CEP350: variants seen among roughly 807,000 people sequenced by gnomAD.
The protein encoded by CEP350 is centrosome-associated protein 350.
In CEP350, 126 loss-of-function variants were observed where a neutral mutation model predicts 331.8. The observed-to-expected ratio is 0.38, with a 90% CI of 0.33 to 0.44. The LOEUF is 0.44. Among genes scored for constraint, CEP350 ranks in the 20% least tolerant of loss-of-function variants. The pLI is 1.00. For missense variants in CEP350, 3,406 were observed against 3,634.6 expected, an observed-to-expected ratio of 0.94 and a Z score of 1.62; for synonymous variants, 1,200 against 1,259.5, an observed-to-expected ratio of 0.95 and a Z score of 1.00.
intron 6 of CEP350, among the ~76,000 whole-genome samples, chr1:180,001,840 C>A (rs1203941373): frequency 6.6e-6 from 1 of 152,178 alleles, no homozygotes; most frequent in African/African-American, 2.4e-5. Context: ...CTTTGAAATT[C>A]ATGATTTATG....
intron 17 of CEP350, among the ~76,000 whole-genome samples, chr1:180,038,572 A>G (rs1396152752): frequency 6.6e-6 from 1 of 152,148 alleles, no homozygotes; most frequent in African/African-American, 2.4e-5. Context: ...TATTTCAGTC[A>G]TTCTATTGAG....
At chr1:179,987,357 A>C in intron 3 of CEP350, 71 bp downstream of exon 3, 1 of 806,236 alleles carries the variant, frequency 1.2e-6, no homozygotes, top group Non-Finnish European at 2.0e-6. Context: ...TGAATAGATT[A>C]AAATGTTTTC....
rs1654115660 is a variant in CEP350, at chr1:180,004,880, TTGCTTG to T, written c.1133-1573_1133-1568del. Among the ~76,000 whole-genome samples, 36 of 72,672 alleles carry T rather than the reference TTGCTTG, an allele frequency of 5.0e-4. 1 individual carries two copies. The highest frequency in any genetic ancestry group is 1.4e-3 in the East Asian group (2 of 1,400). The allele number at this position is 72,672 out of a possible 152,430, so 47.7% of individuals were successfully genotyped here. On this transcript the variant is annotated intron_variant, in intron 7 of 37. Transcript: ENST00000367607. ...TGGGCAGGCAGGCTGGCTGGCTTGC[TTGCTTG>T]CTTGCTTGCTTGCTTGCTTGCTTTC... is the stretch of plus-strand genomic sequence containing the variant.
chr1:180,007,616 C>G (rs1194644917), intron 8 of CEP350, among the ~76,000 whole-genome samples: 1 of 152,128 alleles, frequency 6.6e-6, no homozygotes, highest in Non-Finnish European at 1.5e-5. Context: ...TAATTAGATC[C>G]TATTTGTCAA....
chr1:180,013,818 G>A, intron 9 of CEP350, 29 bp from the exon 10 acceptor site: 8 of 1,545,450 alleles, frequency 5.2e-6, no homozygotes, highest in Non-Finnish European at 7.0e-6. Flanking sequence ...TAGAATTTCG[G>A]TATATCACTA....
At chr1:180,070,253 A>G (rs954329518) in intron 27 of CEP350, among the ~76,000 whole-genome samples, 52 of 152,212 alleles carry the variant, frequency 3.4e-4, no homozygotes, top group Non-Finnish European at 7.3e-5. Context: ...TTTGTTTTCG[A>G]TATCTTTTAT....
Position 180,111,360 on chromosome 1 carries a change from TA to T in CEP350, c.*201del. ...TGCCTTTCGAGACTATCCACTGGAT[TA>T]ATGGGTTATTTTCAGTGGGCAGGGT... On this transcript the variant is annotated 3_prime_UTR_variant, in exon 38 of 38. Transcript: ENST00000367607. 1 of 586,490 alleles carries T rather than the reference TA, an allele frequency of 1.7e-6. No homozygotes were observed. The highest frequency in any genetic ancestry group is 1.9e-5 in the African/African-American group (1 of 53,330). 36.3% of individuals were successfully genotyped at this position (586,490 alleles called of 1,614,324 possible).
intron 22 of CEP350, among the ~76,000 whole-genome samples, chr1:180,049,879 A>T (rs1571922329): frequency 6.6e-6 from 1 of 152,186 alleles, no homozygotes; most frequent in East Asian, 1.9e-4. Flanking sequence ...ATCAGGCAAA[A>T]CATGAAATAA....
intron 32 of CEP350, among the ~76,000 whole-genome samples, chr1:180,088,310 T>TTAGGAA: frequency 6.6e-6 from 1 of 152,128 alleles, no homozygotes; most frequent in East Asian, 1.9e-4. Context: ...ATATTGTGTA[T>TTAGGAA]TAGGAAGTCA....
rs1322576583 is a variant in CEP350, at chr1:179,963,821, G to A, written c.-14+8679G>A. Among the ~76,000 whole-genome samples, 3 of 151,960 alleles carry A rather than the reference G, an allele frequency of 2.0e-5. No individual in the cohort carries two copies. The East Asian group carries it at 5.8e-4, about 29-fold the overall frequency. ...GCTTGGCTATTCAGGCTCTTTTTTG[G>A]TTCCATATGAATTTTAGAATTGTTT... On this transcript the variant is annotated intron_variant, in intron 1 of 37. Coordinates refer to ENST00000367607, the MANE Select transcript of CEP350 (RefSeq NM_014810.5).
At position 180,095,589 on chromosome 1, in the gene CEP350, A is replaced by G; in HGVS notation, c.8578A>G (p.Ser2860Gly). The G allele has an allele frequency of 6.2e-7, 1 of 1,613,986 alleles. No homozygotes were observed. The highest frequency in any genetic ancestry group is 1.3e-5 in the African/African-American group (1 of 75,048). ...TAAGAGACTTGCTGAACTTGAACTC[A>G]GCCGGGAGTTCCTGAGCGCGTTAGG... is the stretch of plus-strand genomic sequence containing the variant. ...LAKRLAELEL[S>G]REFLSALGDD... is the part of the protein sequence containing the mutation. The change falls in exon 35 of 38, where the codon AGC (serine) becomes GGC (glycine). Residue 2860 changes from serine (S) to glycine (G), a missense_variant. Ser to Gly is a moderately conservative substitution (Grantham distance 56). Around this residue, in one of 5 missense-constraint regions of CEP350, gnomAD observed 1,415 missense variants for 1,512.3 expected, o/e 0.94. Transcript: ENST00000367607.
intron 27 of CEP350, 51 bp downstream of exon 27, chr1:180,065,323 A>G: frequency 6.7e-7 from 1 of 1,500,030 alleles, no homozygotes; most frequent in Non-Finnish European, 8.9e-7. Flanking sequence ...AAAGTAGTAC[A>G]ACAAATAACA....
intron 4 of CEP350, 31 bp from the exon 5 acceptor site, chr1:179,992,031 A>T (rs753246445): frequency 1.3e-6 from 2 of 1,497,304 alleles, no homozygotes; most frequent in Non-Finnish European, 1.8e-6. Flanking sequence ...ATTTTATATT[A>T]TATGTTCTCA....
chr1:180,034,171 T>G (rs1030875765), intron 16 of CEP350, 89 bp downstream of exon 16: 9 of 1,367,344 alleles, frequency 6.6e-6, no homozygotes, highest in Admixed American at 2.6e-5. Context: ...AGTTGAGTCA[T>G]AGAGAAATAT....
intron 24 of CEP350, 149 bp from the exon 25 acceptor site, chr1:180,054,266 A>T: frequency 1.5e-6 from 1 of 684,064 alleles, no homozygotes; most frequent in Non-Finnish European, 2.5e-6. Context: ...TTTGGATATT[A>T]ATGGTTACGG....
At chr1:180,080,227 C>G (rs927830653) in intron 29 of CEP350, among the ~76,000 whole-genome samples, 1 of 152,068 alleles carries the variant, frequency 6.6e-6, no homozygotes, top group Non-Finnish European at 1.5e-5. Context: ...ATTACTGACA[C>G]AATAATCACT....
At chr1:180,107,683 C>G (rs116488482) in intron 37 of CEP350, among the ~76,000 whole-genome samples, 308 of 152,146 alleles carry the variant, frequency 2.0e-3, no homozygotes, top group African/African-American at 6.9e-3. Context: ...AAGTGTAAAT[C>G]CACCTAACCT....
chr1:180,082,892 C>G (rs1274135260), intron 30 of CEP350, among the ~76,000 whole-genome samples: 1 of 152,072 alleles, frequency 6.6e-6, no homozygotes, highest in Admixed American at 6.5e-5. Context: ...AAATATTGAG[C>G]CTTGCCTATG....
rs1571989191 is a variant in CEP350, at chr1:180,092,688, T to C, written c.6583T>C (p.Trp2195Arg). Residue 2195 changes from tryptophan to arginine, a missense_variant, in exon 34 of 38, where the codon TGG becomes CGG. Physicochemically the swap from Trp to Arg is moderately radical, Grantham distance 101. This residue lies in a region of CEP350 where 1,415 missense variants were observed against 1,512.3 expected (regional missense o/e 0.94). Transcript: ENST00000367607. ...TGCATATGCAAAGAGAGTAAATGAA[T>C]GGGACAGTCGAACAGAAGATTTTCA... is the stretch of plus-strand genomic sequence containing the variant. ...LSAYAKRVNE[W>R]DSRTEDFQTP... 2 of 1,613,172 alleles carry C rather than the reference T, an allele frequency of 1.2e-6. No homozygotes were observed. The highest frequency in any genetic ancestry group is 2.2e-5 in the East Asian group (1 of 44,802).
Sources: gnomAD v4.1 joint callset for allele counts (sites outside exome capture counted in the v4.1 genomes callset) on GRCh38, gnomAD v4.1.1 for gene constraint, gnomAD v4.1.1 regional missense constraint, MANE v1.5 for transcripts, NCBI Gene and HGNC (gene_info 2026-07-23, HGNC 2026-07-21) for gene names.